The following RIMS1 variants were observed in gnomAD, a reference collection of about 807,000 sequenced individuals.
RIMS1 encodes the protein regulating synaptic membrane exocytosis 1.
A neutral mutation model predicts 214.1 loss-of-function variants in RIMS1; 83 were observed. That is an observed-to-expected ratio of 0.39 (90% CI 0.32 to 0.47). RIMS1 has a LOEUF of 0.47. Among genes scored for constraint, RIMS1 ranks in the 20% least tolerant of loss-of-function variants. The probability of loss-of-function intolerance (pLI) is 0.99; values close to 1 mark genes in which losing one functional copy is unlikely to be tolerated. For missense variants in RIMS1, 2,050 were observed against 2,161.8 expected (o/e 0.95, Z 1.03); for synonymous variants, 793 against 786.8 (o/e 1.01, Z -0.13).
chr6:72,213,362 A>C (rs1199042074), intron 6 of RIMS1: 1 of 745,394 alleles, frequency 1.3e-6, no homozygotes, highest in African/African-American at 1.8e-5. Context: ...TCTTAATTGA[A>C]TAAAGTTTCC....
intron 1 of RIMS1, among the ~76,000 whole-genome samples, chr6:71,919,606 G>A (rs1215877289): frequency 6.6e-6 from 1 of 152,074 alleles, no homozygotes; most frequent in Non-Finnish European, 1.5e-5. Flanking sequence ...GCCATGGAAA[G>A]GGTGAGTAGA....
chr6:72,311,476 A>G lies in RIMS1; in HGVS notation c.3964-2030A>G, dbSNP rs190496271. On this transcript the variant is annotated intron_variant, in intron 27 of 33. Coordinates refer to ENST00000521978, the MANE Select transcript of RIMS1 (RefSeq NM_014989.7). ...CATTGCTTTCAGTACATTGTCTTAA[A>G]TCACATTAATTTTAGATCAAACATG... 2.2e-4 allele frequency among the ~76,000 whole-genome samples: 34 copies of G among 152,324 alleles called. No individual in the cohort carries two copies. In the East Asian group the frequency reaches 6.6e-3, roughly 29 times the overall value.
intron 2 of RIMS1, among the ~76,000 whole-genome samples, chr6:72,069,227 G>C (rs1830039970): frequency 2.0e-5 from 3 of 152,194 alleles, no homozygotes; most frequent in Admixed American, 2.0e-4. Flanking sequence ...ACTGCTGTAG[G>C]AGATGCCAGT....
At chr6:72,239,226 C>T (rs937055993) in intron 9 of RIMS1, among the ~76,000 whole-genome samples, 1 of 152,054 alleles carries the variant, frequency 6.6e-6, no homozygotes, top group Non-Finnish European at 1.5e-5. Flanking sequence ...ATTATATACA[C>T]ATTATAAACA....
chr6:72,011,273 C>G (rs1054670401), intron 2 of RIMS1, among the ~76,000 whole-genome samples: 12 of 152,136 alleles, frequency 7.9e-5, no homozygotes, highest in Admixed American at 7.2e-4. Flanking sequence ...ACTGGCTAGC[C>G]ATATGTAGAA....
At chr6:72,236,535 T>C (rs1176189928) in intron 8 of RIMS1, among the ~76,000 whole-genome samples, 1 of 152,116 alleles carries the variant, frequency 6.6e-6, no homozygotes, top group Non-Finnish European at 1.5e-5. Flanking sequence ...CTGGTACACA[T>C]GAATTTGGAT....
intron 1 of RIMS1, among the ~76,000 whole-genome samples, chr6:71,890,570 T>TG (rs1491363444): frequency 2.5e-5 from 2 of 81,528 alleles, no homozygotes; most frequent in African/African-American, 1.1e-4. Context: ...CTCCTTTTTG[T>TG]AAAAAAAAAA....
rs530790800 is a variant in RIMS1 at position 72,036,412 on chromosome 6, T to G, written c.246-60537T>G. On this transcript the variant is annotated intron_variant, in intron 2 of 33. Transcript: ENST00000521978. ...TATGTTTATTCATGCATCCCTGCAC[T>G]TATCTATTCATTCATTCATGCCCAA... Among the ~76,000 whole-genome samples the G allele has an allele frequency of 2.0e-3, 297 of 152,256 alleles. 1 individual carries two copies. Among genetic ancestry groups the G allele is most frequent in the African/African-American group, 7.0e-3 (291 of 41,556 alleles).
chr6:72,122,515 C>G (rs2038613926), intron 4 of RIMS1, among the ~76,000 whole-genome samples: 1 of 151,758 alleles, frequency 6.6e-6, no homozygotes, highest in South Asian at 2.1e-4. Context: ...CAGATTCCCT[C>G]TTTTTCTATT....
intron 29 of RIMS1, among the ~76,000 whole-genome samples, chr6:72,337,585 A>T (rs1023716408): frequency 1.3e-5 from 2 of 151,072 alleles, no homozygotes; most frequent in Non-Finnish European, 3.0e-5. Context: ...TTTTTATTTC[A>T]TTTTATTTAT....
intron 1 of RIMS1, among the ~76,000 whole-genome samples, chr6:71,938,157 C>T (rs1785000272): frequency 6.6e-6 from 1 of 152,198 alleles, no homozygotes; most frequent in Non-Finnish European, 1.5e-5. Context: ...AAAATTTAGT[C>T]TTAAAGCTGG....
chr6:72,055,104 G>A (rs974370758), intron 2 of RIMS1, among the ~76,000 whole-genome samples: 1 of 152,076 alleles, frequency 6.6e-6, no homozygotes, highest in African/African-American at 2.4e-5. Flanking sequence ...TTTTGTATAA[G>A]GTGTAATGTC....
At chr6:72,393,552 C>A (rs2154444311) in intron 31 of RIMS1, among the ~76,000 whole-genome samples, 1 of 152,020 alleles carries the variant, frequency 6.6e-6, no homozygotes, top group Admixed American at 6.6e-5. Flanking sequence ...GTGAAACCCC[C>A]GTCTCTACTA....
chr6:72,386,007 A>C (rs987743261), intron 29 of RIMS1, among the ~76,000 whole-genome samples: 2 of 152,214 alleles, frequency 1.3e-5, no homozygotes, highest in South Asian at 4.1e-4. Flanking sequence ...AAAAACTTTA[A>C]TATTAAAAAT....
chr6:72,017,261 A>G lies in RIMS1; in HGVS notation c.245+48198A>G, dbSNP rs75727087. On this transcript the variant is annotated intron_variant, in intron 2 of 33. Transcript: ENST00000521978. Reference sequence around the variant, plus strand: ...TTATTAATACTTAAATTTCATTTTAATGGGAGCACATTAAGGCTGAAATAT... The same window carrying G: ...TTATTAATACTTAAATTTCATTTTAGTGGGAGCACATTAAGGCTGAAATAT... Among the ~76,000 whole-genome samples, 1,425 of 152,300 alleles carry G rather than the reference A, an allele frequency of 9.4e-3. 7 individuals carry two copies. The highest frequency in any genetic ancestry group is 0.014 in the Non-Finnish European group (984 of 68,028).
At position 72,402,276 on chromosome 6, in the gene RIMS1, C is replaced by G. The variant is rs1458921212; in HGVS notation, c.*1562C>G. 6.6e-6 allele frequency: 1 copy of G among 152,534 alleles called. No individual in the cohort carries two copies. The highest frequency in any genetic ancestry group is 1.5e-5 in the Non-Finnish European group (1 of 68,022). The allele number at this position is 152,534 out of a possible 1,614,324, so 9.4% of individuals were successfully genotyped here. ...ACAGTTTGCTTGTTAATTACTATAC[C>G]GAAATAACCAAGAAATCTAAGCCAT... On this transcript the variant is annotated 3_prime_UTR_variant, in exon 34 of 34. Coordinates refer to ENST00000521978, the MANE Select transcript of RIMS1 (RefSeq NM_014989.7).
intron 2 of RIMS1, among the ~76,000 whole-genome samples, chr6:72,069,622 G>C (rs141649406): frequency 3.3e-5 from 5 of 152,282 alleles, no homozygotes; most frequent in Non-Finnish European, 7.4e-5. Context: ...GTGAGCACTT[G>C]CTTTACTCAC....
chr6:72,203,498 T>C (rs1276776858), intron 6 of RIMS1, among the ~76,000 whole-genome samples: 3 of 152,174 alleles, frequency 2.0e-5, no homozygotes, highest in South Asian at 2.1e-4. Flanking sequence ...CTTATAGACC[T>C]GTAGAGAGAA....
intron 2 of RIMS1, among the ~76,000 whole-genome samples, chr6:72,055,185 T>C (rs775813703): frequency 1.3e-4 from 20 of 152,224 alleles, no homozygotes; most frequent in Non-Finnish European, 2.2e-4. Context: ...GGCCTTGCGA[T>C]GTAAACTTTG....
Sources: allele counts gnomAD v4.1 joint callset (sites outside exome capture counted in the v4.1 genomes callset), GRCh38; gene constraint gnomAD v4.1.1; transcripts MANE v1.5; gene names NCBI Gene and HGNC (gene_info 2026-07-23, HGNC 2026-07-21).